The following KIF26B variants were observed in gnomAD, a reference collection of about 807,000 sequenced individuals.
The protein encoded by KIF26B is kinesin-like protein KIF26B.
A neutral mutation model predicts 151.2 loss-of-function variants in KIF26B; 63 were observed. The ratio of observed to expected loss-of-function variants is 0.42; its 90% confidence interval spans 0.34 to 0.51. KIF26B has a LOEUF of 0.51. Among genes scored for constraint, KIF26B ranks in the 20% least tolerant of loss-of-function variants. KIF26B has a pLI of 0.07. For missense variants in KIF26B, 2,813 were observed against 2,913.6 expected (o/e 0.97, Z 0.79); for synonymous variants, 1,357 against 1,262.1 (o/e 1.08, Z -1.59).
intron 2 of KIF26B, among the ~76,000 whole-genome samples, chr1:245,297,500 C>T (rs1210890571): frequency 6.6e-6 from 1 of 152,206 alleles, no homozygotes; most frequent in Non-Finnish European, 1.5e-5. Context: ...ATTCTTTCTA[C>T]TGCCATACAC....
intron 2 of KIF26B, chr1:245,216,279 A>G (rs1406632861): frequency 6.6e-6 from 1 of 152,124 alleles, no homozygotes; most frequent in Non-Finnish European, 1.5e-5. Context: ...TTCTTTAAAT[A>G]AGCTCCTTGC....
chr1:245,432,319 G>C (rs1027194256), intron 4 of KIF26B, among the ~76,000 whole-genome samples: 1 of 152,058 alleles, frequency 6.6e-6, no homozygotes, highest in Non-Finnish European at 1.5e-5. Flanking sequence ...GTTTTCGGGG[G>C]ATAGCATTGT....
At chr1:245,432,383 G>A (rs1261288717) in intron 4 of KIF26B, among the ~76,000 whole-genome samples, 3 of 152,188 alleles carry the variant, frequency 2.0e-5, no homozygotes, top group Non-Finnish European at 4.4e-5. Context: ...ATTACAGTGG[G>A]AGTACCTGGT....
At chr1:245,325,935 C>T (rs34108473) in intron 2 of KIF26B, among the ~76,000 whole-genome samples, 11,487 of 152,128 alleles carry the variant, frequency 0.076, 733 homozygotes, top group Admixed American at 0.22. Flanking sequence ...CTAAATGCTG[C>T]TCCCTCGCTT....
At chr1:245,583,254 A>T (rs531064133) in intron 5 of KIF26B, among the ~76,000 whole-genome samples, 1 of 152,114 alleles carries the variant, frequency 6.6e-6, no homozygotes. Context: ...GGTCCTGCAG[A>T]GCTGAGCTCC....
chr1:245,327,000 T>G (rs556276820), intron 2 of KIF26B, among the ~76,000 whole-genome samples: 17 of 152,196 alleles, frequency 1.1e-4, no homozygotes, highest in Non-Finnish European at 2.2e-4. Context: ...CTTTTCCTAC[T>G]CCTTACCATC....
chr1:245,156,323 C>T lies in KIF26B; in HGVS notation c.105C>T (p.Phe35=), dbSNP rs945049728. 9.0e-6 allele frequency: 14 copies of T among 1,547,668 alleles called. No individual in the cohort carries two copies. Among genetic ancestry groups the T allele is most frequent in the Non-Finnish European group, 1.2e-5 (14 of 1,145,966 alleles). The change falls in exon 2 of 15, where the codon TTC becomes TTT. Residue 35 remains phenylalanine (F), a synonymous_variant. Transcript: ENST00000407071. ...CGCCCACCAAGCCCGCAGCGCCCTTCTCCCCGGAAAGCTGGTACCGGAAAG... is the reference window on the plus strand; with the variant it reads ...CGCCCACCAAGCCCGCAGCGCCCTTTTCCCCGGAAAGCTGGTACCGGAAAG... ...VCSPTKPAAP[F]SPESWYRKAY...
chr1:245,385,470 C>T (rs138111327), intron 3 of KIF26B, among the ~76,000 whole-genome samples: 318 of 152,274 alleles, frequency 2.1e-3, no homozygotes, highest in African/African-American at 7.2e-3. Flanking sequence ...TAGAACCAGG[C>T]GTTTGAACGC....
At chr1:245,427,903 A>G (rs1658686664) in intron 4 of KIF26B, among the ~76,000 whole-genome samples, 1 of 152,118 alleles carries the variant, frequency 6.6e-6, no homozygotes, top group Admixed American at 6.5e-5. Flanking sequence ...CGGGGCCAAC[A>G]TGCATAATTG....
chr1:245,431,997 C>A (rs1033989049), intron 4 of KIF26B, among the ~76,000 whole-genome samples: 4 of 152,048 alleles, frequency 2.6e-5, no homozygotes, highest in Admixed American at 2.6e-4. Flanking sequence ...TTCCCTCCCC[C>A]TAGGCTTTGT....
chr1:245,183,612 A>G (rs1668944059), intron 2 of KIF26B, among the ~76,000 whole-genome samples: 1 of 152,196 alleles, frequency 6.6e-6, no homozygotes, highest in South Asian at 2.1e-4. Flanking sequence ...TAGAATCAAG[A>G]TTGCAAAGAC....
chr1:245,355,610 A>G (rs958075423), intron 2 of KIF26B, among the ~76,000 whole-genome samples: 50 of 125,968 alleles, frequency 4.0e-4, no homozygotes, highest in African/African-American at 7.1e-4. Flanking sequence ...AAAAAAAAAA[A>G]AAGAAGAAGA....
rs563287099 is a variant in KIF26B at position 245,171,449 on chromosome 1, C to G, written c.465+14766C>G. ...ATCCCAGCTACTCCGGAAGCTAAGG[C>G]AGAAGAATTGCTTGAACCCGGGAGG... On this transcript the variant is annotated intron_variant, in intron 2 of 14. Transcript: ENST00000407071. Among the ~76,000 whole-genome samples, 13 of 152,210 alleles carry G rather than the reference C, an allele frequency of 8.5e-5. No individual in the cohort carries two copies. The South Asian group carries it at 2.5e-3, about 29-fold the overall frequency.
chr1:245,677,686 G>T (rs1163133905), intron 10 of KIF26B, among the ~76,000 whole-genome samples: 1 of 152,266 alleles, frequency 6.6e-6, no homozygotes, highest in Non-Finnish European at 1.5e-5. Flanking sequence ...CAGAGGGGAG[G>T]CGTCCAAAGT....
chr1:245,558,935 C>G (rs113881245), intron 5 of KIF26B, among the ~76,000 whole-genome samples: 1 of 152,112 alleles, frequency 6.6e-6, no homozygotes, highest in African/African-American at 2.4e-5. Flanking sequence ...AATCCTTGAC[C>G]GGAGTGAAGG....
At chr1:245,487,049 A>G (rs1660297392) in intron 4 of KIF26B, among the ~76,000 whole-genome samples, 2 of 151,998 alleles carry the variant, frequency 1.3e-5, no homozygotes, top group South Asian at 2.1e-4. Flanking sequence ...GTAAACCTTC[A>G]TGGCTCCCTG....
intron 11 of KIF26B, among the ~76,000 whole-genome samples, chr1:245,684,792 C>T (rs2044488205): frequency 1.3e-5 from 2 of 152,332 alleles, no homozygotes; most frequent in South Asian, 2.1e-4. Context: ...CAAAGAGGTT[C>T]TCAACTCCCT....
chr1:245,645,142 C>G (rs1284959947), intron 9 of KIF26B, among the ~76,000 whole-genome samples: 2 of 152,136 alleles, frequency 1.3e-5, no homozygotes, highest in Admixed American at 1.3e-4. Context: ...AAGACCCAAA[C>G]ACCTCCCACC....
chr1:245,176,612 G>A (rs1668813721), intron 2 of KIF26B, among the ~76,000 whole-genome samples: 1 of 152,082 alleles, frequency 6.6e-6, no homozygotes, highest in Non-Finnish European at 1.5e-5. Context: ...CCAACAAGCA[G>A]GGAACCTAGT....
Sources: gnomAD v4.1 joint callset for allele counts (sites outside exome capture counted in the v4.1 genomes callset) on GRCh38, gnomAD v4.1.1 for gene constraint, MANE v1.5 for transcripts, NCBI Gene and HGNC (gene_info 2026-07-23, HGNC 2026-07-21) for gene names.